BCAS3: variants seen among roughly 807,000 people sequenced by gnomAD.
The protein encoded by BCAS3 is BCAS4/BCAS3 fusion.
A neutral mutation model predicts 116.1 loss-of-function variants in BCAS3; 53 were observed. That is an observed-to-expected ratio of 0.46 (90% confidence interval 0.37 to 0.57). The LOEUF (loss-of-function observed/expected upper bound fraction) is 0.57, where lower values mean the gene tolerates loss of function less well. Ranked by LOEUF, BCAS3 falls within the 20% of genes least tolerant of loss-of-function variation. The pLI is 0.00. For missense variants in BCAS3, 917 were observed against 1,165.4 expected (o/e 0.79, Z 3.10); for synonymous variants, 391 against 408.2 (o/e 0.96, Z 0.51).
chr17:60,839,575 A>G (rs1354299080), intron 7 of BCAS3, among the ~76,000 whole-genome samples: 2 of 152,190 alleles, frequency 1.3e-5, no homozygotes, highest in African/African-American at 4.8e-5. Flanking sequence ...TCACAGGTTT[A>G]GCTTTTAATA....
At position 61,367,249 on chromosome 17, in the gene BCAS3, A is replaced by C. The variant is rs2058792426; in HGVS notation, c.2426-1078A>C. Reference sequence around the variant, plus strand: ...CCGATGCTGGCAGGAACCAAGCCCAATAAATGCAGTGGATTCAGTTACCTA... The same window carrying C: ...CCGATGCTGGCAGGAACCAAGCCCACTAAATGCAGTGGATTCAGTTACCTA... On this transcript the variant is annotated intron_variant, in intron 22 of 23. Transcript: ENST00000407086. The surrounding 1 kb of genome is among the most constrained non-coding windows in gnomAD (Gnocchi z 6.2). Among the ~76,000 whole-genome samples, 1 of 152,270 alleles carries C rather than the reference A, an allele frequency of 6.6e-6. No homozygotes were observed.
intron 22 of BCAS3, among the ~76,000 whole-genome samples, chr17:61,306,843 A>C (rs1421590998): frequency 6.6e-6 from 1 of 152,218 alleles, no homozygotes; most frequent in Non-Finnish European, 1.5e-5. Context: ...CTTTGAAACT[A>C]AGCCTAGAGG....
intron 6 of BCAS3, among the ~76,000 whole-genome samples, chr17:60,764,692 T>G (rs1301542522): frequency 6.6e-6 from 1 of 152,178 alleles, no homozygotes; most frequent in Non-Finnish European, 1.5e-5. Flanking sequence ...GGTGGAGATT[T>G]CTGTAGATGT....
chr17:61,255,988 C>A (rs896262491), intron 22 of BCAS3, among the ~76,000 whole-genome samples: 5 of 152,142 alleles, frequency 3.3e-5, no homozygotes, highest in Non-Finnish European at 7.4e-5. Flanking sequence ...TCTCGTCAAA[C>A]TGACAAGTTA....
intron 9 of BCAS3, among the ~76,000 whole-genome samples, chr17:60,882,059 A>G (rs2144955056): frequency 6.7e-6 from 1 of 148,212 alleles, no homozygotes; most frequent in African/African-American, 2.5e-5. Context: ...TCCCACCAAC[A>G]GTGTAAAAGT....
At chr17:61,353,300 G>A (rs1040797180) in intron 22 of BCAS3, among the ~76,000 whole-genome samples, 1 of 152,212 alleles carries the variant, frequency 6.6e-6, no homozygotes, top group Non-Finnish European at 1.5e-5. Flanking sequence ...GGAGTAGGGT[G>A]TGGGCAGTGA....
At chr17:60,792,991 A>G (rs973669891) in intron 6 of BCAS3, among the ~76,000 whole-genome samples, 1 of 152,068 alleles carries the variant, frequency 6.6e-6, no homozygotes, top group African/African-American at 2.4e-5. Context: ...GAATCATGTA[A>G]TATTTATCTT....
Position 61,019,512 on chromosome 17 carries a change from T to C in BCAS3, c.1637+3611T>C, listed in dbSNP as rs1219017079. 6.6e-6 allele frequency among the ~76,000 whole-genome samples: 1 copy of C among 152,160 alleles called. No homozygotes were observed. Among genetic ancestry groups the C allele is most frequent in the Non-Finnish European group, 1.5e-5 (1 of 68,020 alleles). On this transcript the variant is annotated intron_variant, in intron 16 of 23. Transcript: ENST00000407086. The surrounding 1 kb of genome is among the most constrained non-coding windows in gnomAD (Gnocchi z 5.6). Reference sequence around the variant, plus strand: ...GGTTTGATTATCTTAAAATTTAACATTTTCACTAAAATACATGTATTTTGC... The same window carrying C: ...GGTTTGATTATCTTAAAATTTAACACTTTCACTAAAATACATGTATTTTGC...
chr17:60,890,770 C>A (rs2057089816), intron 10 of BCAS3, among the ~76,000 whole-genome samples: 1 of 152,090 alleles, frequency 6.6e-6, no homozygotes, highest in African/African-American at 2.4e-5. Context: ...AAGAATATTA[C>A]TATTTTTGGT....
intron 22 of BCAS3, among the ~76,000 whole-genome samples, chr17:61,116,955 G>A (rs1229106389): frequency 2.0e-5 from 3 of 152,122 alleles, no homozygotes; most frequent in Admixed American, 1.3e-4. Flanking sequence ...TACCTATGAT[G>A]TGTCTTCTAG....
chr17:61,368,289 G>T lies in BCAS3; in HGVS notation c.2426-38G>T. On this transcript the variant is annotated intron_variant, in intron 22 of 23. Transcript: ENST00000407086. The surrounding 1 kb of genome is among the most constrained non-coding windows in gnomAD (Gnocchi z 6.0). Reference sequence around the variant, plus strand: ...GACAAGAATGGCCTGCTCCCTGAAGGTGTGGACTCAACGTCAGATGTCCCG... The same window carrying T: ...GACAAGAATGGCCTGCTCCCTGAAGTTGTGGACTCAACGTCAGATGTCCCG... 1.3e-6 allele frequency: 2 copies of T among 1,558,752 alleles called. No individual in the cohort carries two copies. Among genetic ancestry groups the T allele is most frequent in the Non-Finnish European group, 1.7e-6 (2 of 1,143,366 alleles).
chr17:61,304,716 C>T (rs964808134), intron 22 of BCAS3, among the ~76,000 whole-genome samples: 8 of 152,042 alleles, frequency 5.3e-5, no homozygotes, highest in Admixed American at 4.6e-4. Context: ...CATGTCTTTG[C>T]AGTTCCCTAA....
chr17:60,720,953 C>A (rs2039169642), intron 5 of BCAS3, among the ~76,000 whole-genome samples: 1 of 152,114 alleles, frequency 6.6e-6, no homozygotes, highest in South Asian at 2.1e-4. Context: ...GTGTCGCTAC[C>A]ACATTGAGCT....
At chr17:61,044,465 A>ATATAT (rs1555683921) in intron 19 of BCAS3, among the ~76,000 whole-genome samples, 1 of 120,120 alleles carries the variant, frequency 8.3e-6, no homozygotes, top group Admixed American at 8.0e-5. Flanking sequence ...AAAAAAAAAA[A>ATATAT]ATATATATAT....
chr17:61,142,389 T>C (rs1044235977), intron 22 of BCAS3, among the ~76,000 whole-genome samples: 1 of 152,192 alleles, frequency 6.6e-6, no homozygotes, highest in African/African-American at 2.4e-5. Context: ...CAATCCAAAG[T>C]GGATGTTTGC....
At chr17:60,690,712 G>A (rs1352017988) in intron 4 of BCAS3, among the ~76,000 whole-genome samples, 1 of 152,052 alleles carries the variant, frequency 6.6e-6, no homozygotes, top group Non-Finnish European at 1.5e-5. Context: ...CATGAGGTCA[G>A]GAGTTCAAGA....
intron 14 of BCAS3, among the ~76,000 whole-genome samples, chr17:60,972,489 C>T (rs1386387173): frequency 9.9e-5 from 14 of 141,398 alleles, no homozygotes; most frequent in Non-Finnish European, 1.9e-4. Flanking sequence ...TGCTCTGTCA[C>T]GTAGGCTAGA....
intron 15 of BCAS3, among the ~76,000 whole-genome samples, chr17:60,992,417 T>C (rs1319010253): frequency 6.6e-6 from 1 of 152,160 alleles, no homozygotes; most frequent in African/African-American, 2.4e-5. Flanking sequence ...CCATGATATT[T>C]AAGGTTGAAA....
chr17:61,234,924 G>A (rs2082915155), intron 22 of BCAS3, among the ~76,000 whole-genome samples: 1 of 151,778 alleles, frequency 6.6e-6, no homozygotes, highest in South Asian at 2.1e-4. Context: ...GTCTCGCTCT[G>A]TCACCCAGGG....
Sources: gnomAD v4.1 joint callset for allele counts (sites outside exome capture counted in the v4.1 genomes callset) on GRCh38, gnomAD v4.1.1 for gene constraint, Gnocchi (gnomAD v3.1) non-coding constraint, MANE v1.5 for transcripts, NCBI Gene and HGNC (gene_info 2026-07-23, HGNC 2026-07-21) for gene names.